Variants in FAM210A observed in about 807,000 individuals in gnomAD.
FAM210A encodes family with sequence similarity 210 member A.
In FAM210A, 13 loss-of-function variants were observed where a neutral mutation model predicts 25.3. The ratio of observed to expected loss-of-function variants is 0.51; its 90% CI spans 0.33 to 0.82. The LOEUF is 0.82. Ranked by LOEUF, FAM210A falls within the 40% of genes least tolerant of loss-of-function variation. FAM210A has a pLI of 0.02. For missense variants in FAM210A, 319 were observed against 323.2 expected (o/e 0.99, Z 0.10); for synonymous variants, 125 against 118.7 (o/e 1.05, Z -0.35).
At chr18:13,717,177 CATTAT>C (rs1305031735) in intron 1 of FAM210A, among the ~76,000 whole-genome samples, 1 of 152,204 alleles carries the variant, frequency 6.6e-6, no homozygotes, top group African/African-American at 2.4e-5. Flanking sequence ...CCCTTTCTTA[CATTAT>C]ATGTTAATCC....
In FAM210A at chr18:13,671,842, G is replaced by C. The variant is rs1276583247; in HGVS notation, c.585+20C>G. On this transcript the variant is annotated intron_variant, in intron 3 of 3. Transcript: ENST00000651643. ...CCACCAGTGAGTTCTGAGGAGCAAT[G>C]GGTTTGTTACAGTACCCACCTTAAA... The C allele has an allele frequency of 6.6e-7, 1 of 1,515,230 alleles. No homozygotes were observed. The highest frequency in any genetic ancestry group is 2.3e-5 in the East Asian group (1 of 44,364). 93.9% of individuals were successfully genotyped at this position (1,515,230 alleles called of 1,614,324 possible).
intron 2 of FAM210A, among the ~76,000 whole-genome samples, chr18:13,679,656 C>G (rs1165858517): frequency 6.6e-6 from 1 of 152,140 alleles, no homozygotes; most frequent in Non-Finnish European, 1.5e-5. Flanking sequence ...GGTGGTCTAG[C>G]AACCCGATTC....
intron 1 of FAM210A, among the ~76,000 whole-genome samples, chr18:13,709,605 C>T (rs1322271084): frequency 1.3e-5 from 2 of 152,182 alleles, no homozygotes; most frequent in Non-Finnish European, 2.9e-5. Flanking sequence ...ATTTTTCCTA[C>T]ACCACTTATC....
At chr18:13,678,088 T>C (rs181841639) in intron 2 of FAM210A, among the ~76,000 whole-genome samples, 10 of 152,300 alleles carry the variant, frequency 6.6e-5, no homozygotes, top group African/African-American at 2.2e-4. Context: ...TCAATTCTTT[T>C]TCAAATCTCT....
chr18:13,678,557 T>C (rs2149055509), intron 2 of FAM210A, among the ~76,000 whole-genome samples: 1 of 152,360 alleles, frequency 6.6e-6, no homozygotes, highest in Non-Finnish European at 1.5e-5. Flanking sequence ...CCCAAAGTGC[T>C]GGGATTACAG....
intron 1 of FAM210A, 34 bp from the exon 2 acceptor site, chr18:13,682,139 T>C (rs2043560812): frequency 1.5e-6 from 2 of 1,363,446 alleles, no homozygotes; most frequent in African/African-American, 2.9e-5. Context: ...AATTAGGTAA[T>C]ACTTAGGTTT....
chr18:13,701,236 G>A (rs536921305), intron 1 of FAM210A, among the ~76,000 whole-genome samples: 99 of 151,548 alleles, frequency 6.5e-4, no homozygotes, highest in Non-Finnish European at 1.3e-3. Flanking sequence ...CTCAGATTTC[G>A]GAGCTCTACA....
At position 13,671,938 on chromosome 18, in the gene FAM210A, C is replaced by A. The variant is rs1318396668; in HGVS notation, c.509G>T (p.Gly170Val). ...GATGCTTACCACACTGTCAGGTAAC[C>A]CAATGAGTTCTAGAAAAGGAACGAC... ...VNVVPFLELI[G>V]LPDSVVSILK... Residue 170 changes from glycine (G) to valine (V), a missense_variant, in exon 3 of 4, where the codon GGG becomes GTG. By Grantham distance (109) the Gly-to-Val change is moderately radical. Transcript: ENST00000651643. 1.2e-6 allele frequency: 2 copies of A among 1,612,814 alleles called. No individual in the cohort carries two copies. Among genetic ancestry groups the A allele is most frequent in the East Asian group, 2.2e-5 (1 of 44,836 alleles).
chr18:13,682,879 TA>T (rs1474672020), intron 1 of FAM210A, among the ~76,000 whole-genome samples: 1 of 152,032 alleles, frequency 6.6e-6, no homozygotes, highest in East Asian at 1.9e-4. Context: ...AAAAATAAAA[TA>T]AAATAATAAA....
intron 1 of FAM210A, among the ~76,000 whole-genome samples, chr18:13,723,226 A>C (rs1475539068): frequency 6.6e-6 from 1 of 152,216 alleles, no homozygotes; most frequent in Non-Finnish European, 1.5e-5. Context: ...GAATCTGATC[A>C]GTTTGGAAAA....
intron 1 of FAM210A, among the ~76,000 whole-genome samples, chr18:13,705,159 G>A (rs1008614675): frequency 2.0e-5 from 3 of 152,136 alleles, no homozygotes; most frequent in South Asian, 2.1e-4. Context: ...AGATTTTCAC[G>A]TTAAATCAGC....
At chr18:13,670,060 T>G (rs938999394) in intron 3 of FAM210A, among the ~76,000 whole-genome samples, 1 of 152,170 alleles carries the variant, frequency 6.6e-6, no homozygotes, top group Non-Finnish European at 1.5e-5. Context: ...AGCCTCATTT[T>G]CAATCCCAAC....
intron 2 of FAM210A, among the ~76,000 whole-genome samples, chr18:13,673,984 A>C (rs1221036244): frequency 6.9e-6 from 1 of 144,330 alleles, no homozygotes; most frequent in Admixed American, 6.8e-5. Flanking sequence ...CCTGACTATT[A>C]ACATTCCTGA....
chr18:13,719,324 C>T (rs570054320), intron 1 of FAM210A, among the ~76,000 whole-genome samples: 34 of 152,270 alleles, frequency 2.2e-4, no homozygotes, highest in East Asian at 7.7e-4. Context: ...TAAAATACCA[C>T]GTTTAATTCA....
At chr18:13,701,439 G>T (rs1475907747) in intron 1 of FAM210A, among the ~76,000 whole-genome samples, 1 of 149,772 alleles carries the variant, frequency 6.7e-6, no homozygotes, top group African/African-American at 2.4e-5. Flanking sequence ...ATATTGCAGG[G>T]GTTGTAAAAT....
Position 13,665,935 on chromosome 18 carries a change from T to A in FAM210A, c.*545A>T, listed in dbSNP as rs1378913532. ...ATATATGACTGGATCTTTATTCTATTTTCTTCATATAAGATATTTTAACTG... is the reference window on the plus strand; with the variant it reads ...ATATATGACTGGATCTTTATTCTATATTCTTCATATAAGATATTTTAACTG... On this transcript the variant is annotated 3_prime_UTR_variant, in exon 4 of 4. Coordinates refer to ENST00000651643, the MANE Select transcript of FAM210A (RefSeq NM_152352.4). 1 of 152,988 alleles carries A rather than the reference T, an allele frequency of 6.5e-6. No individual in the cohort carries two copies. The highest frequency in any genetic ancestry group is 1.5e-5 in the Non-Finnish European group (1 of 68,588). 9.5% of individuals were successfully genotyped at this position (152,988 alleles called of 1,614,324 possible). A position where few individuals can be genotyped will look rare whatever the true frequency, so the allele number is the denominator to read the frequency against.
In FAM210A at chr18:13,682,096, G is replaced by C; in HGVS notation, c.-19C>G. On this transcript the variant is annotated 5_prime_UTR_variant, in exon 2 of 4. Transcript: ENST00000651643. ...ATTGCATTTTGAAGAGTGTTGATAGGTTTCAGCTTCTACAAAGACAATTTT... is the reference window on the plus strand; with the variant it reads ...ATTGCATTTTGAAGAGTGTTGATAGCTTTCAGCTTCTACAAAGACAATTTT... The C allele has an allele frequency of 2.0e-6, 3 of 1,528,462 alleles. No individual in the cohort carries two copies. The highest frequency in any genetic ancestry group is 2.6e-6 in the Non-Finnish European group (3 of 1,139,644). 94.7% of individuals were successfully genotyped at this position (1,528,462 alleles called of 1,614,324 possible).
At position 13,666,262 on chromosome 18, in the gene FAM210A, T is replaced by C. The variant is rs2043400404; in HGVS notation, c.*218A>G. 5 of 532,668 alleles carry C rather than the reference T, an allele frequency of 9.4e-6. No individual in the cohort carries two copies. The highest frequency in any genetic ancestry group is 6.7e-6 in the Non-Finnish European group (2 of 297,686). The allele number at this position is 532,668 out of a possible 1,614,324, so 33.0% of individuals were successfully genotyped here. A position where few individuals can be genotyped will look rare whatever the true frequency, so the allele number is the denominator to read the frequency against. On this transcript the variant is annotated 3_prime_UTR_variant, in exon 4 of 4. Coordinates refer to ENST00000651643, the MANE Select transcript of FAM210A (RefSeq NM_152352.4). Reference sequence around the variant, plus strand: ...ATTAACCACTGCTTAATACTGCTACTGATGGCAAATTCTTAAACTGGGTTC... The same window carrying C: ...ATTAACCACTGCTTAATACTGCTACCGATGGCAAATTCTTAAACTGGGTTC...
intron 1 of FAM210A, among the ~76,000 whole-genome samples, chr18:13,723,039 T>C (rs1157268273): frequency 6.6e-6 from 1 of 152,162 alleles, no homozygotes; most frequent in African/African-American, 2.4e-5. Context: ...CCTATCTTAT[T>C]GTACTCATTA....
Sources: allele counts gnomAD v4.1 joint callset (sites outside exome capture counted in the v4.1 genomes callset), GRCh38; gene constraint gnomAD v4.1.1; transcripts MANE v1.5; gene names NCBI Gene and HGNC (gene_info 2026-07-23, HGNC 2026-07-21).